CHEK1: variants seen among roughly 807,000 people sequenced by gnomAD.
CHEK1 encodes checkpoint kinase 1, also known as serine/threonine-protein kinase Chk1.
CHEK1 carries 32 observed loss-of-function variants against 60.2 expected under a neutral mutation model. The ratio of observed to expected loss-of-function variants is 0.53; its 90% CI spans 0.40 to 0.71. CHEK1 has a LOEUF of 0.71. Among genes scored for constraint, CHEK1 ranks in the 30% least tolerant of loss-of-function variants. The probability of loss-of-function intolerance (pLI) is 0.00; values close to 1 mark genes in which losing one functional copy is unlikely to be tolerated. For missense variants in CHEK1, 399 were observed against 564.6 expected, an observed-to-expected ratio of 0.71 and a Z score of 2.97; for synonymous variants, 179 against 187.2, an observed-to-expected ratio of 0.96 and a Z score of 0.36.
intron 11 of CHEK1, among the ~76,000 whole-genome samples, chr11:125,651,780 G>A (rs531448239): frequency 3.3e-5 from 5 of 152,280 alleles, no homozygotes; most frequent in South Asian, 4.1e-4. Context: ...TTCTTACTGC[G>A]TTTCACTTGT....
intron 13 of CHEK1, among the ~76,000 whole-genome samples, chr11:125,674,855 G>T (rs1942412814): frequency 6.6e-6 from 1 of 152,216 alleles, no homozygotes; most frequent in South Asian, 2.1e-4. Context: ...TGAAGCTCTT[G>T]TATCAGCTGG....
downstream of CHEK1, among the ~76,000 whole-genome samples, chr11:125,659,827 C>G (rs764693944): frequency 7.9e-5 from 12 of 152,106 alleles, no homozygotes; most frequent in Non-Finnish European, 1.5e-4. Context: ...CAATTTCATC[C>G]TTTCAGAAAG....
chr11:125,651,966 G>A (rs991822408), intron 11 of CHEK1, among the ~76,000 whole-genome samples: 2 of 152,126 alleles, frequency 1.3e-5, no homozygotes, highest in Admixed American at 6.5e-5. Flanking sequence ...AGTTCTTGAA[G>A]TATTTTCTTT....
chr11:125,650,200 G>A (rs1476863062), intron 11 of CHEK1, among the ~76,000 whole-genome samples: 1 of 150,508 alleles, frequency 6.6e-6, no homozygotes, highest in Non-Finnish European at 1.5e-5. Flanking sequence ...GTTTATTGTT[G>A]GTATACTTGA....
intron 11 of CHEK1, among the ~76,000 whole-genome samples, chr11:125,651,163 T>C (rs1941712330): frequency 6.6e-6 from 1 of 152,116 alleles, no homozygotes; most frequent in African/African-American, 2.4e-5. Context: ...CACCAGTTGC[T>C]TTCATTGCTT....
chr11:125,644,598 T>C lies in CHEK1; in HGVS notation c.1188T>C (p.Thr396=), dbSNP rs374032447. Residue 396 remains threonine, a synonymous_variant, in exon 11 of 13, where the codon ACT becomes ACC. Coordinates refer to ENST00000438015, the MANE Select transcript of CHEK1 (RefSeq NM_001114122.3). Reference sequence around the variant, plus strand: ...AATCTTATCAATGCCTGAAAGAGACTTGTGAGAAGTTGGGCTATCAATGGA... The same window carrying C: ...AATCTTATCAATGCCTGAAAGAGACCTGTGAGAAGTTGGGCTATCAATGGA... ...ADKSYQCLKE[T]CEKLGYQWKK... is the part of the protein sequence containing the mutation. 112 of 1,614,034 alleles carry C rather than the reference T, an allele frequency of 6.9e-5. 1 individual carries two copies. Among genetic ancestry groups the C allele is most frequent in the Non-Finnish European group, 8.7e-5 (103 of 1,180,030 alleles).
chr11:125,656,360 T>A lies in CHEK1; in HGVS notation c.*1040T>A, dbSNP rs1941902489. 4.9e-6 allele frequency: 1 copy of A among 204,502 alleles called. No homozygotes were observed. The highest frequency in any genetic ancestry group is 2.3e-5 in the African/African-American group (1 of 43,812). The allele number at this position is 204,502 out of a possible 1,614,324, so 12.7% of individuals were successfully genotyped here. A position where few individuals can be genotyped will look rare whatever the true frequency, so the allele number is the denominator to read the frequency against. On this transcript the variant is annotated 3_prime_UTR_variant, in exon 13 of 13. Transcript: ENST00000438015. The stretch of plus-strand genomic sequence containing the variant: ...AGTAAGACCCTACCTCTAATAAAAA[T>A]TTTTAAAATTGTAAAACATTATAAA...
rs1290863057 is a variant in CHEK1 at position 125,625,830 on chromosome 11, A to G, written c.-203A>G. On this transcript the variant is annotated 5_prime_UTR_variant, in exon 1 of 13. Transcript: ENST00000438015. ...CGACTGCAAAGCAGCCCTGGGCGGG[A>G]GCGGCAACATCTCCACGTCACCCTT... is the stretch of plus-strand genomic sequence containing the variant. The G allele has an allele frequency of 8.5e-6, 6 of 702,444 alleles. No homozygotes were observed. The highest frequency in any genetic ancestry group is 1.6e-5 in the Non-Finnish European group (6 of 384,976). 43.5% of individuals were successfully genotyped at this position (702,444 alleles called of 1,614,324 possible). A position where few individuals can be genotyped will look rare whatever the true frequency, so the allele number is the denominator to read the frequency against.
chr11:125,644,907 C>T (rs1941442857), intron 11 of CHEK1, among the ~76,000 whole-genome samples: 1 of 152,002 alleles, frequency 6.6e-6, no homozygotes, highest in Admixed American at 6.6e-5. Context: ...TCTCGGGAGG[C>T]TGAGGCACGA....
chr11:125,649,309 C>G (rs1941620318), intron 11 of CHEK1, among the ~76,000 whole-genome samples: 1 of 152,176 alleles, frequency 6.6e-6, no homozygotes, highest in African/African-American at 2.4e-5. Context: ...GCCTTGGCCT[C>G]CCAAGTAGGT....
chr11:125,641,858 T>G (rs1485376388), intron 8 of CHEK1, among the ~76,000 whole-genome samples: 3 of 152,200 alleles, frequency 2.0e-5, no homozygotes, highest in Non-Finnish European at 4.4e-5. Context: ...CAAAATGTTC[T>G]GATTTAAAAG....
At chr11:125,651,375 C>T (rs1457655359) in intron 11 of CHEK1, among the ~76,000 whole-genome samples, 1 of 149,662 alleles carries the variant, frequency 6.7e-6, no homozygotes, top group Non-Finnish European at 1.5e-5. Context: ...GCAACCTCTG[C>T]ATCCCGGGTT....
At chr11:125,680,015 C>T (rs941550288), downstream of CHEK1, among the ~76,000 whole-genome samples, 4 of 152,208 alleles carry the variant, frequency 2.6e-5, no homozygotes, top group Non-Finnish European at 5.9e-5. Context: ...GTTTATGACT[C>T]GTGTCACCAT....
At chr11:125,660,760 A>G (rs577942677), downstream of CHEK1, among the ~76,000 whole-genome samples, 22 of 151,998 alleles carry the variant, frequency 1.4e-4, no homozygotes, top group Non-Finnish European at 3.1e-4. Context: ...AACAAAAAAA[A>G]AAAAGAAAAA....
chr11:125,670,336 G>C (rs1407343051), intron 13 of CHEK1, among the ~76,000 whole-genome samples: 1 of 152,030 alleles, frequency 6.6e-6, no homozygotes, highest in African/African-American at 2.4e-5. Context: ...TGGGGGTCAA[G>C]GTCTATAGAC....
At chr11:125,635,331 A>T in intron 6 of CHEK1, 98 bp from the exon 7 acceptor site, 2 of 733,590 alleles carry the variant, frequency 2.7e-6, no homozygotes, top group Non-Finnish European at 2.1e-6. Context: ...ATATTGAATT[A>T]ATTCAAAGGA....
intron 5 of CHEK1, among the ~76,000 whole-genome samples, chr11:125,632,617 G>T (rs1940909850): frequency 6.6e-6 from 1 of 152,004 alleles, no homozygotes; most frequent in Admixed American, 6.5e-5. Context: ...GTGGAAGTTG[G>T]GTCTTCTGAT....
At chr11:125,627,203 C>T (rs1940651874) in intron 2 of CHEK1, among the ~76,000 whole-genome samples, 1 of 152,150 alleles carries the variant, frequency 6.6e-6, no homozygotes, top group South Asian at 2.1e-4. Context: ...CATTGTGTAC[C>T]TCTCCTTCAC....
chr11:125,647,330 CT>C (rs1243185862), intron 11 of CHEK1, among the ~76,000 whole-genome samples: 4 of 149,046 alleles, frequency 2.7e-5, no homozygotes, highest in African/African-American at 4.9e-5. Flanking sequence ...AATCTCAATT[CT>C]TTTTTTTTCC....
Sources: gnomAD v4.1 joint callset for allele counts (sites outside exome capture counted in the v4.1 genomes callset) on GRCh38, gnomAD v4.1.1 for gene constraint, MANE v1.5 for transcripts, NCBI Gene and HGNC (gene_info 2026-07-23, HGNC 2026-07-21) for gene names.